Variants in SFMBT2 observed in about 807,000 individuals in gnomAD.
SFMBT2 encodes the protein scm-like with four MBT domains protein 2.
SFMBT2 carries 38 observed loss-of-function variants against 110.1 expected under a neutral mutation model. The observed-to-expected ratio is 0.35, with a 90% CI of 0.27 to 0.45. SFMBT2 has a LOEUF of 0.45. Ranked by LOEUF, SFMBT2 falls within the 20% of genes least tolerant of loss-of-function variation. SFMBT2 has a pLI of 1.00. For synonymous variants in SFMBT2, 425 were observed against 425.4 expected (o/e 1.00, Z 0.01); for missense variants, 1,011 against 1,094.9 (o/e 0.92, Z 1.08).
intron 1 of SFMBT2, among the ~76,000 whole-genome samples, chr10:7,388,524 A>ATTTTTTTTTTTTT (rs60231769): frequency 4.1e-4 from 46 of 112,092 alleles, no homozygotes; most frequent in Non-Finnish European, 6.3e-4. Flanking sequence ...TACCCAGCTA[A>ATTTTTTTTTTTTT]TTTTTTTTTT....
intron 11 of SFMBT2, 153 bp from the exon 12 acceptor site, chr10:7,206,081 G>C: frequency 1.0e-6 from 1 of 985,376 alleles, no homozygotes; most frequent in Non-Finnish European, 1.2e-6. Flanking sequence ...ATATGGAAGA[G>C]ATGACTTTAG....
At chr10:7,390,656 G>C (rs1380990621) in intron 1 of SFMBT2, among the ~76,000 whole-genome samples, 1 of 152,114 alleles carries the variant, frequency 6.6e-6, no homozygotes, top group Non-Finnish European at 1.5e-5. Flanking sequence ...TAATAAATCA[G>C]TTAAATGTCA....
At chr10:7,220,657 G>A (rs570454909) in intron 10 of SFMBT2, 120 bp from the exon 11 acceptor site, 78 of 1,007,618 alleles carry the variant, frequency 7.7e-5, no homozygotes, top group East Asian at 1.2e-4. Context: ...ACAGGCTCAC[G>A]TATGTGTTTG....
chr10:7,400,446 T>C (rs537685182), intron 1 of SFMBT2, among the ~76,000 whole-genome samples: 1 of 152,306 alleles, frequency 6.6e-6, no homozygotes, highest in East Asian at 1.9e-4. Flanking sequence ...TATCTTTCAA[T>C]AATTGTCCCA....
chr10:7,239,867 G>T (rs1020633600), intron 9 of SFMBT2, among the ~76,000 whole-genome samples: 3 of 151,656 alleles, frequency 2.0e-5, no homozygotes, highest in Non-Finnish European at 2.9e-5. Flanking sequence ...GTTAGATTTG[G>T]TATCTTAAGT....
chr10:7,306,216 C>T (rs994344433), intron 4 of SFMBT2, among the ~76,000 whole-genome samples: 3 of 152,220 alleles, frequency 2.0e-5, no homozygotes, highest in South Asian at 2.1e-4. Flanking sequence ...GAGTGCTCTC[C>T]GGCAGGCTTC....
chr10:7,180,595 G>A (rs948004353), intron 16 of SFMBT2, among the ~76,000 whole-genome samples: 5 of 152,134 alleles, frequency 3.3e-5, no homozygotes, highest in African/African-American at 1.2e-4. Flanking sequence ...GTGCCTGCCT[G>A]GCCTCACTGT....
chr10:7,362,935 C>T (rs576442265), intron 4 of SFMBT2, among the ~76,000 whole-genome samples: 2 of 152,334 alleles, frequency 1.3e-5, no homozygotes, highest in East Asian at 1.9e-4. Context: ...ATTCCTCGTG[C>T]ATTATATAGG....
chr10:7,254,268 T>C (rs1323426192), intron 7 of SFMBT2, among the ~76,000 whole-genome samples: 1 of 152,138 alleles, frequency 6.6e-6, no homozygotes, highest in Non-Finnish European at 1.5e-5. Flanking sequence ...CAATAAGCAC[T>C]GATCAGAAAC....
At chr10:7,405,679 T>C (rs1846190553) in intron 1 of SFMBT2, among the ~76,000 whole-genome samples, 1 of 152,146 alleles carries the variant, frequency 6.6e-6, no homozygotes, top group Admixed American at 6.5e-5. Context: ...TTTTCCCAGA[T>C]AGAAGCACAG....
intron 4 of SFMBT2, among the ~76,000 whole-genome samples, chr10:7,328,106 C>T (rs997586153): frequency 2.6e-5 from 4 of 152,340 alleles, no homozygotes; most frequent in African/African-American, 9.6e-5. Context: ...TACAAGAGTT[C>T]CAGTGCCTCC....
chr10:7,322,291 G>A (rs1322005009), intron 4 of SFMBT2, among the ~76,000 whole-genome samples: 2 of 152,166 alleles, frequency 1.3e-5, no homozygotes. Context: ...CTTCTGCCAT[G>A]ATTGTGAGGC....
intron 7 of SFMBT2, among the ~76,000 whole-genome samples, chr10:7,266,073 C>A (rs1224382702): frequency 1.3e-5 from 2 of 151,640 alleles, no homozygotes; most frequent in Non-Finnish European, 1.5e-5. Flanking sequence ...GATAGTGGAA[C>A]AGAGTGCGGT....
intron 11 of SFMBT2, among the ~76,000 whole-genome samples, chr10:7,208,072 T>C (rs1403429213): frequency 6.6e-6 from 1 of 152,244 alleles, no homozygotes; most frequent in Non-Finnish European, 1.5e-5. Flanking sequence ...TTGTAAGACT[T>C]GACCAACATT....
At chr10:7,225,997 C>T (rs1171866681) in intron 10 of SFMBT2, among the ~76,000 whole-genome samples, 1 of 152,194 alleles carries the variant, frequency 6.6e-6, no homozygotes, top group African/African-American at 2.4e-5. Context: ...CTGCAGTCCT[C>T]ATGGGGGCAT....
At chr10:7,381,070 C>CACATACATACAT (rs34216043) in intron 2 of SFMBT2, among the ~76,000 whole-genome samples, 18 of 149,502 alleles carry the variant, frequency 1.2e-4, no homozygotes, top group South Asian at 2.1e-4. Flanking sequence ...CACACATACA[C>CACATACATACAT]ACATACATAC....
chr10:7,249,491 G>T, intron 7 of SFMBT2: 1 of 982,962 alleles, frequency 1.0e-6, no homozygotes, highest in Non-Finnish European at 1.2e-6. Flanking sequence ...TGTATTTGCA[G>T]TCTGTCCCTG....
intron 4 of SFMBT2, among the ~76,000 whole-genome samples, chr10:7,330,233 C>T (rs1004434659): frequency 6.6e-5 from 10 of 152,214 alleles, no homozygotes; most frequent in African/African-American, 2.4e-4. Flanking sequence ...TCAATACCTT[C>T]AGCCGACTTT....
At chr10:7,410,732 CTTT>C (rs34712597) in intron 1 of SFMBT2, among the ~76,000 whole-genome samples, 126 bp downstream of exon 1, 1 of 138,782 alleles carries the variant, frequency 7.2e-6, no homozygotes, top group African/African-American at 2.8e-5. Flanking sequence ...GGCTTCCTTC[CTTT>C]TTTTTTTTTT....
Sources: allele counts gnomAD v4.1 joint callset (sites outside exome capture counted in the v4.1 genomes callset), GRCh38; gene constraint gnomAD v4.1.1; transcripts MANE v1.5; gene names NCBI Gene and HGNC (gene_info 2026-07-23, HGNC 2026-07-21).